IQCJ: variants seen among roughly 807,000 people sequenced by gnomAD.
IQCJ encodes the protein IQ domain-containing protein J.
In IQCJ, 9 loss-of-function variants were observed where a neutral mutation model predicts 11.0. The observed-to-expected ratio is 0.82, with a 90% confidence interval of 0.49 to 1.43. The LOEUF is 1.43. Among genes scored for constraint, IQCJ ranks in the 40% most tolerant of loss-of-function variants. The probability of loss-of-function intolerance (pLI) is 0.00; values close to 1 mark genes in which losing one functional copy is unlikely to be tolerated. For synonymous variants in IQCJ, 55 were observed against 51.3 expected (o/e 1.07, Z -0.31); for missense variants, 146 against 133.2 (o/e 1.10, Z -0.47).
chr3:159,194,086 G>A (rs1723843407), intron 1 of IQCJ, among the ~76,000 whole-genome samples: 2 of 152,326 alleles, frequency 1.3e-5, no homozygotes, highest in East Asian at 3.9e-4. Context: ...AACTGAGGAA[G>A]TAATTACCAT....
chr3:159,137,942 C>T (rs1022338212), intron 1 of IQCJ, among the ~76,000 whole-genome samples: 2 of 152,134 alleles, frequency 1.3e-5, no homozygotes, highest in African/African-American at 4.8e-5. Context: ...GTATAGCTCT[C>T]CTTTTGTCTT....
At chr3:159,213,801 C>A (rs1725077993) in intron 1 of IQCJ, among the ~76,000 whole-genome samples, 1 of 152,152 alleles carries the variant, frequency 6.6e-6, no homozygotes, top group South Asian at 2.1e-4. Context: ...TTCCTCAAAT[C>A]AGTTTCATGT....
intron 1 of IQCJ, among the ~76,000 whole-genome samples, chr3:159,225,706 A>G (rs564223021): frequency 4.0e-4 from 61 of 152,078 alleles, no homozygotes; most frequent in Non-Finnish European, 7.4e-4. Flanking sequence ...TGTGGACACC[A>G]ACTCGGTTCA....
chr3:159,236,118 A>T (rs1726567116), intron 1 of IQCJ, among the ~76,000 whole-genome samples: 1 of 152,132 alleles, frequency 6.6e-6, no homozygotes, highest in Non-Finnish European at 1.5e-5. Context: ...GAATCCTTTA[A>T]ATGAGCTGTT....
At chr3:159,152,223 C>T (rs1441663468) in intron 1 of IQCJ, among the ~76,000 whole-genome samples, 7 of 152,182 alleles carry the variant, frequency 4.6e-5, no homozygotes, top group African/African-American at 1.2e-4. Context: ...TTCCTGAGAG[C>T]TGTTCCGTAA....
At chr3:159,253,676 T>G (rs1727733473) in intron 3 of IQCJ, among the ~76,000 whole-genome samples, 1 of 151,762 alleles carries the variant, frequency 6.6e-6, no homozygotes, top group South Asian at 2.1e-4. Flanking sequence ...CATGAGAATT[T>G]AAACGAGAAT....
intron 1 of IQCJ, among the ~76,000 whole-genome samples, chr3:159,118,852 G>T (rs17782584): frequency 0.33 from 49,956 of 152,014 alleles, 8,555 homozygotes; most frequent in Non-Finnish European, 0.39. Flanking sequence ...ACTGAAGGAA[G>T]GTTCGCTCAT....
At chr3:159,245,484 T>C (rs1577110565) in intron 1 of IQCJ, among the ~76,000 whole-genome samples, 2 of 135,870 alleles carry the variant, frequency 1.5e-5, no homozygotes, top group African/African-American at 5.6e-5. Context: ...TTTTTTGAGA[T>C]GGAGTCTCAC....
chr3:159,183,924 C>G (rs1318543141), intron 1 of IQCJ, among the ~76,000 whole-genome samples: 1 of 151,694 alleles, frequency 6.6e-6, no homozygotes, highest in African/African-American at 2.4e-5. Context: ...ATTCAAGACC[C>G]TACCATTGCT....
intron 1 of IQCJ, among the ~76,000 whole-genome samples, chr3:159,228,905 A>T (rs1726021304): frequency 6.6e-6 from 1 of 152,224 alleles, no homozygotes; most frequent in Non-Finnish European, 1.5e-5. Flanking sequence ...AGAATGGATA[A>T]ATCTATAGAA....
chr3:159,252,839 T>C (rs759127146), intron 3 of IQCJ, 32 bp downstream of exon 3: 2 of 1,584,796 alleles, frequency 1.3e-6, no homozygotes, highest in East Asian at 2.3e-5. Context: ...ATTAAGCAAT[T>C]AGTTCTAGTT....
chr3:159,151,723 C>A (rs751288183), intron 1 of IQCJ, among the ~76,000 whole-genome samples: 1 of 152,348 alleles, frequency 6.6e-6, no homozygotes, highest in South Asian at 2.1e-4. Context: ...GCAAGCTCCA[C>A]CTCCCAGGTT....
chr3:159,109,124 T>C (rs1718454550), intron 1 of IQCJ, among the ~76,000 whole-genome samples: 1 of 152,246 alleles, frequency 6.6e-6, no homozygotes, highest in South Asian at 2.1e-4. Context: ...CAGCTTGAGC[T>C]GAGTGGAACC....
chr3:159,079,635 G>A (rs1016220643), intron 1 of IQCJ, among the ~76,000 whole-genome samples: 2 of 151,948 alleles, frequency 1.3e-5, no homozygotes. Flanking sequence ...ATGTTTTAAC[G>A]AAAACTCTAA....
At chr3:159,216,574 C>T (rs1725247911) in intron 1 of IQCJ, among the ~76,000 whole-genome samples, 1 of 152,176 alleles carries the variant, frequency 6.6e-6, no homozygotes, top group South Asian at 2.1e-4. Flanking sequence ...TAACTTAATT[C>T]AAGCTTGAAA....
chr3:159,163,361 C>T (rs984070997), intron 1 of IQCJ, among the ~76,000 whole-genome samples: 2 of 152,054 alleles, frequency 1.3e-5, no homozygotes, highest in Admixed American at 1.3e-4. Flanking sequence ...AGGCCTTTGA[C>T]AAAATTCAAC....
At chr3:159,204,535 G>A (rs775211624) in intron 1 of IQCJ, among the ~76,000 whole-genome samples, 1 of 152,226 alleles carries the variant, frequency 6.6e-6, no homozygotes, top group Non-Finnish European at 1.5e-5. Flanking sequence ...CAAAAGACAA[G>A]AAGTGGAAGC....
intron 1 of IQCJ, among the ~76,000 whole-genome samples, chr3:159,191,533 G>A (rs898628447): frequency 3.0e-4 from 45 of 152,154 alleles, no homozygotes; most frequent in Admixed American, 2.7e-3. Context: ...CCCTGTCATT[G>A]CTGAAATGAA....
chr3:159,140,865 G>A (rs898871156), intron 1 of IQCJ, among the ~76,000 whole-genome samples: 3 of 152,162 alleles, frequency 2.0e-5, no homozygotes, highest in African/African-American at 7.2e-5. Context: ...TGCATGCTAC[G>A]CACCCAGTGG....
Sources: allele counts gnomAD v4.1 joint callset (sites outside exome capture counted in the v4.1 genomes callset), GRCh38; gene constraint gnomAD v4.1.1; transcripts MANE v1.5; gene names NCBI Gene and HGNC (gene_info 2026-07-23, HGNC 2026-07-21).